GPLD1: variants seen among roughly 807,000 people sequenced by gnomAD.
GPLD1 encodes the protein phosphatidylinositol-glycan-specific phospholipase D.
Under a neutral mutation model 112.6 loss-of-function variants are expected in GPLD1, and 84 were observed. The observed-to-expected ratio is 0.75, with a 90% CI of 0.63 to 0.89. The LOEUF is 0.89. Among genes scored for constraint, GPLD1 ranks in the 40% least tolerant of loss-of-function variants. GPLD1 has a pLI of 0.00. For missense variants in GPLD1, 1,044 were observed against 1,051.5 expected (o/e 0.99, Z 0.10); for synonymous variants, 386 against 403.8 (o/e 0.96, Z 0.53).
intron 12 of GPLD1, among the ~76,000 whole-genome samples, chr6:24,459,964 T>C (rs1019041303): frequency 3.3e-5 from 5 of 152,064 alleles, no homozygotes; most frequent in Admixed American, 2.6e-4. Context: ...ACTGGCATGA[T>C]CATAGCTCAC....
At chr6:24,469,963 A>T (rs968631552) in intron 7 of GPLD1, among the ~76,000 whole-genome samples, 1 of 152,096 alleles carries the variant, frequency 6.6e-6, no homozygotes, top group African/African-American at 2.4e-5. Flanking sequence ...AACAAAAAAT[A>T]TTTTTTTAAA....
intron 13 of GPLD1, among the ~76,000 whole-genome samples, chr6:24,455,319 G>A (rs1166230295): frequency 6.6e-6 from 1 of 152,196 alleles, no homozygotes; most frequent in East Asian, 1.9e-4. Context: ...ACAAGTGAAC[G>A]ACCAGTAAAG....
At chr6:24,453,699 C>CGTGTGT (rs59607870) in intron 14 of GPLD1, among the ~76,000 whole-genome samples, 25,982 of 150,346 alleles carry the variant, frequency 0.17, 2,785 homozygotes, top group East Asian at 0.39. Flanking sequence ...ACATACATTT[C>CGTGTGT]GTGTGTGTGT....
chr6:24,451,462 C>T (rs1763084831), intron 14 of GPLD1, among the ~76,000 whole-genome samples: 1 of 152,182 alleles, frequency 6.6e-6, no homozygotes. Context: ...CCTCAGCCTC[C>T]CGAGTAGCTG....
rs753455713 is a variant in GPLD1 at position 24,436,757 on chromosome 6, CAGAA to C, written c.2198-25_2198-22del. ...TTCATCTGAAAACAATAAAAACCGA[CAGAA>C]GGAAGTATTTGACTCCTCACTGTCA... On this transcript the variant is annotated intron_variant, in intron 21 of 24. Transcript: ENST00000230036. 1.3e-5 allele frequency: 21 copies of C among 1,610,986 alleles called. No individual in the cohort carries two copies. The African/African-American group carries it at 2.4e-4, about 18-fold the overall frequency.
intron 22 of GPLD1, among the ~76,000 whole-genome samples, chr6:24,436,330 T>C (rs567588570): frequency 6.6e-6 from 1 of 152,270 alleles, no homozygotes; most frequent in East Asian, 1.9e-4. Flanking sequence ...AACCAAGCAG[T>C]GGCAGGCTGT....
At chr6:24,488,696 C>T (rs1764464534) in intron 1 of GPLD1, among the ~76,000 whole-genome samples, 1 of 152,262 alleles carries the variant, frequency 6.6e-6, no homozygotes, top group Non-Finnish European at 1.5e-5. Flanking sequence ...TATATCAACA[C>T]ATCATGTTGT....
At chr6:24,455,804 C>A (rs984864268) in intron 13 of GPLD1, among the ~76,000 whole-genome samples, 12 of 152,168 alleles carry the variant, frequency 7.9e-5, no homozygotes, top group African/African-American at 2.9e-4. Flanking sequence ...TTTAGTAAAC[C>A]GAAAGTTCCT....
chr6:24,446,922 CAGG>C lies in GPLD1; in HGVS notation c.1733_1735del (p.Ser578del), dbSNP rs1412249655. On this transcript the variant is annotated inframe_deletion, in exon 18 of 25. Coordinates refer to ENST00000230036, the MANE Select transcript of GPLD1 (RefSeq NM_001503.4). ...GACACCGTGAAGGGAATATCCAAACCAGGAGAAGTCTTCCTCGCCTCTCACCGT... is the reference window on the plus strand; with the variant it reads ...GACACCGTGAAGGGAATATCCAAACCAGAAGTCTTCCTCGCCTCTCACCGT... 11 of 1,613,854 alleles carry C rather than the reference CAGG, an allele frequency of 6.8e-6. No individual in the cohort carries two copies. The East Asian group carries it at 1.1e-4, about 16-fold the overall frequency.
intron 24 of GPLD1, among the ~76,000 whole-genome samples, chr6:24,432,611 A>C (rs1224961494): frequency 6.6e-6 from 1 of 152,156 alleles, no homozygotes; most frequent in Non-Finnish European, 1.5e-5. Flanking sequence ...AAAAATAATA[A>C]AGAAAGAAAA....
At position 24,454,121 on chromosome 6, in the gene GPLD1, T is replaced by A; in HGVS notation, c.1229A>T (p.His410Leu). 4 of 1,614,090 alleles carry A rather than the reference T, an allele frequency of 2.5e-6. No homozygotes were observed. Among genetic ancestry groups the A allele is most frequent in the Non-Finnish European group, 3.4e-6 (4 of 1,179,968 alleles). ...GAGGTACACGCGCCCGATGTGGATG[T>A]GGCCGGGGCGGCTGTAGCCTGGTGC... is the stretch of plus-strand genomic sequence containing the variant. ...VGAPGYSRPGHIHIGRVYLIY... is the reference protein window; with the variant it reads ...VGAPGYSRPGLIHIGRVYLIY... The change falls in exon 14 of 25, where the codon CAC (histidine) becomes CTC (leucine). Residue 410 changes from histidine to leucine, a missense_variant. Coordinates refer to ENST00000230036, the MANE Select transcript of GPLD1 (RefSeq NM_001503.4).
rs1762280319 is a variant in GPLD1 at position 24,427,712 on chromosome 6, A to G, written c.*1320T>C. Among the ~76,000 whole-genome samples, 1 of 151,718 alleles carries G rather than the reference A, an allele frequency of 6.6e-6. No individual in the cohort carries two copies. Among genetic ancestry groups the G allele is most frequent in the Admixed American group, 6.6e-5 (1 of 15,224 alleles). On this transcript the variant is annotated 3_prime_UTR_variant, in exon 25 of 25. Coordinates refer to ENST00000230036, the MANE Select transcript of GPLD1 (RefSeq NM_001503.4). Reference sequence around the variant, plus strand: ...AATACAAAAATTAGCCGGGCGTAGTATTGTGCACCTGTAGTCCCAGCTGCC... The same window carrying G: ...AATACAAAAATTAGCCGGGCGTAGTGTTGTGCACCTGTAGTCCCAGCTGCC...
At chr6:24,470,316 TTAGAGA>T (rs1184600015) in intron 7 of GPLD1, among the ~76,000 whole-genome samples, 2 of 152,110 alleles carry the variant, frequency 1.3e-5, no homozygotes, top group Non-Finnish European at 2.9e-5. Flanking sequence ...GCAACTATTA[TTAGAGA>T]TAAAGAGGGA....
intron 10 of GPLD1, among the ~76,000 whole-genome samples, chr6:24,465,196 C>CAAAAAAA (rs34368143): frequency 9.9e-6 from 1 of 101,308 alleles, no homozygotes; most frequent in Non-Finnish European, 1.9e-5. Context: ...GACTCTGTCT[C>CAAAAAAA]AAAAAAAAAA....
intron 14 of GPLD1, among the ~76,000 whole-genome samples, chr6:24,450,233 C>A (rs774153712): frequency 2.0e-5 from 3 of 152,142 alleles, no homozygotes; most frequent in Non-Finnish European, 4.4e-5. Flanking sequence ...TAAAATAGGC[C>A]GGGCACGGTG....
rs1222807266 is a variant in GPLD1, at chr6:24,448,156, G to A, written c.1499C>T (p.Pro500Leu). The A allele has an allele frequency of 1.2e-6, 2 of 1,611,348 alleles. No homozygotes were observed. The highest frequency in any genetic ancestry group is 1.6e-4 in the Middle Eastern group (1 of 6,084). Residue 500 changes from proline to leucine, a missense_variant, in exon 16 of 25, where the codon CCT becomes CTT. By Grantham distance (98) the Pro-to-Leu change is moderately conservative. Coordinates refer to ENST00000230036, the MANE Select transcript of GPLD1 (RefSeq NM_001503.4). ...TACCTGGCAAGAAATGGTGATGTTA[G>A]GGGAAGAAGACATTCCTCCTTGTTT... The part of the protein sequence containing the change: ...GSKQGGMSSS[P>L]NITISCQDIY...
intron 10 of GPLD1, among the ~76,000 whole-genome samples, chr6:24,466,154 G>A (rs570800021): frequency 9.2e-5 from 14 of 152,356 alleles, no homozygotes; most frequent in African/African-American, 3.4e-4. Flanking sequence ...AGGCCAGCCT[G>A]GCCAATATGG....
At chr6:24,438,253 T>A (rs1241179774) in intron 20 of GPLD1, among the ~76,000 whole-genome samples, 1 of 152,272 alleles carries the variant, frequency 6.6e-6, no homozygotes, top group Non-Finnish European at 1.5e-5. Context: ...GTACAAGTAT[T>A]CAATAAAGTG....
intron 22 of GPLD1, among the ~76,000 whole-genome samples, chr6:24,435,334 T>A (rs114401610): frequency 0.025 from 3,791 of 152,246 alleles, 56 homozygotes; most frequent in Middle Eastern, 0.054. Flanking sequence ...TTATGGGGAT[T>A]AAATGATACA....
Sources: allele counts gnomAD v4.1 joint callset (sites outside exome capture counted in the v4.1 genomes callset), GRCh38; gene constraint gnomAD v4.1.1; transcripts MANE v1.5; gene names NCBI Gene and HGNC (gene_info 2026-07-23, HGNC 2026-07-21).